CD46: variants seen among roughly 807,000 people sequenced by gnomAD.
The protein encoded by CD46 is membrane cofactor protein.
Under a neutral mutation model 53.3 loss-of-function variants are expected in CD46, and 30 were observed. The observed-to-expected ratio is 0.56, with a 90% CI of 0.42 to 0.76. The LOEUF (loss-of-function observed/expected upper bound fraction) is 0.76, where lower values mean the gene tolerates loss of function less well. CD46 is among the 30% of genes least tolerant of loss of function. The pLI is 0.00. For synonymous variants in CD46, 142 were observed against 152.0 expected (o/e 0.93, Z 0.48); for missense variants, 409 against 463.0 (o/e 0.88, Z 1.07).
intron 8 of CD46, among the ~76,000 whole-genome samples, chr1:207,774,243 TC>T (rs1307996527): frequency 6.6e-6 from 1 of 152,086 alleles, no homozygotes; most frequent in Non-Finnish European, 1.5e-5. Context: ...TGGTAGATCT[TC>T]CTCTGTCCCT....
intron 9 of CD46, among the ~76,000 whole-genome samples, chr1:207,784,184 G>A (rs2102684310): frequency 6.6e-6 from 1 of 152,202 alleles, no homozygotes; most frequent in South Asian, 2.1e-4. Context: ...AGAGAGGATG[G>A]GAAGGGGATT....
chr1:207,758,744 G>A lies in CD46; in HGVS notation c.390-895G>A, dbSNP rs151315459. On this transcript the variant is annotated intron_variant, in intron 3 of 12. Transcript: ENST00000367042. ...CTGTGACTATGTAAGGCAACTGACA[G>A]TTTTTAAAATTTGGTCAAGTAGAAA... Among the ~76,000 whole-genome samples the A allele has an allele frequency of 3.1e-3, 467 of 152,294 alleles. 3 individuals carry two copies. The East Asian group carries it at 0.036, about 12-fold the overall frequency.
rs1660000284 is a variant in CD46, at chr1:207,793,568, A to T, written c.*91A>T. The T allele has an allele frequency of 1.2e-6, 2 of 1,613,684 alleles. No homozygotes were observed. Among genetic ancestry groups the T allele is most frequent in the Non-Finnish European group, 1.7e-6 (2 of 1,179,852 alleles). ...TGCCACTTACCAGACTAAATCAACC[A>T]CTCCAGCAGAGCAGAGAGGCTGAAT... On this transcript the variant is annotated 3_prime_UTR_variant, in exon 13 of 13. Transcript: ENST00000367042.
chr1:207,793,494 A>G, intron 12 of CD46, 25 bp from the exon 13 acceptor site: 1 of 1,564,978 alleles, frequency 6.4e-7, no homozygotes, highest in Non-Finnish European at 8.8e-7. Flanking sequence ...TATCTTTGAC[A>G]TGATCTTTAT....
rs41317955 is a variant in CD46, at chr1:207,781,040, C to T, written c.944-2252C>T. Among the ~76,000 whole-genome samples the T allele has an allele frequency of 3.3e-5, 5 of 150,956 alleles. No homozygotes were observed. In the South Asian group the frequency reaches 1.1e-3, roughly 32 times the overall value. On this transcript the variant is annotated intron_variant, in intron 8 of 12. Transcript: ENST00000367042. ...TTCATGAGGACAGAGCCATAATGAC[C>T]CAAACACCTCTTAAAGGCGCCACCC... is the stretch of plus-strand genomic sequence containing the variant.
chr1:207,752,399 C>A lies in CD46; in HGVS notation c.97+90C>A. On this transcript the variant is annotated intron_variant, in intron 1 of 12. Coordinates refer to ENST00000367042, the MANE Select transcript of CD46 (RefSeq NM_172351.3). The surrounding 1 kb of genome is among the most constrained non-coding windows in gnomAD (Gnocchi z 4.1). Reference sequence around the variant, plus strand: ...GTCGCGGGGCGGGGCTCACAGCAGGCCGTGCCTGTTTGGGGACAGGGTTCT... The same window carrying A: ...GTCGCGGGGCGGGGCTCACAGCAGGACGTGCCTGTTTGGGGACAGGGTTCT... 1 of 1,241,002 alleles carries A rather than the reference C, an allele frequency of 8.1e-7. No individual in the cohort carries two copies. The highest frequency in any genetic ancestry group is 1.2e-6 in the Non-Finnish European group (1 of 846,332). 76.9% of individuals were successfully genotyped at this position (1,241,002 alleles called of 1,614,324 possible).
intron 8 of CD46, among the ~76,000 whole-genome samples, chr1:207,778,949 T>C (rs1345912350): frequency 6.6e-6 from 1 of 152,208 alleles, no homozygotes; most frequent in Non-Finnish European, 1.5e-5. Flanking sequence ...TTGTGTCTTC[T>C]CTGATTTCTT....
intron 9 of CD46, among the ~76,000 whole-genome samples, chr1:207,783,887 T>C (rs982045058): frequency 6.6e-6 from 1 of 152,214 alleles, no homozygotes; most frequent in Non-Finnish European, 1.5e-5. Flanking sequence ...ACTTGATAAC[T>C]GTTTATGAGA....
chr1:207,753,745 A>G (rs751651083), intron 1 of CD46, among the ~76,000 whole-genome samples: 2 of 152,138 alleles, frequency 1.3e-5, no homozygotes, highest in Non-Finnish European at 2.9e-5. Context: ...GAATCAAAAG[A>G]CAGCTATTTT....
chr1:207,766,805 T>C (rs1486697084), intron 5 of CD46, among the ~76,000 whole-genome samples: 1 of 152,174 alleles, frequency 6.6e-6, no homozygotes, highest in Non-Finnish European at 1.5e-5. Context: ...AATATGGTTA[T>C]CTCTGTTAGT....
At chr1:207,783,482 A>G in intron 9 of CD46, 152 bp downstream of exon 9, 1 of 550,272 alleles carries the variant, frequency 1.8e-6, no homozygotes, top group East Asian at 3.0e-5. Flanking sequence ...AATATATAAA[A>G]CACAATTTTC....
At chr1:207,767,507 ATT>A (rs1447373009) in intron 6 of CD46, 13 of 1,022,756 alleles carry the variant, frequency 1.3e-5, no homozygotes, top group East Asian at 7.1e-5. Flanking sequence ...AAACATGGGC[ATT>A]TTTATCTAAG....
rs1658657272 is a variant in CD46 at position 207,780,755 on chromosome 1, T to C, written c.944-2537T>C. On this transcript the variant is annotated intron_variant, in intron 8 of 12. Transcript: ENST00000367042. Reference sequence around the variant, plus strand: ...TTGTTTTTTTAGTAATAGCCAAGTGTCTTAGTCTGTTTTGTATGTGATAAC... The same window carrying C: ...TTGTTTTTTTAGTAATAGCCAAGTGCCTTAGTCTGTTTTGTATGTGATAAC... 2.6e-5 allele frequency among the ~76,000 whole-genome samples: 4 copies of C among 152,266 alleles called. No individual in the cohort carries two copies. In the South Asian group the frequency reaches 8.3e-4, roughly 32 times the overall value.
intron 8 of CD46, among the ~76,000 whole-genome samples, chr1:207,774,246 T>C (rs1657850112): frequency 6.6e-6 from 1 of 152,146 alleles, no homozygotes. Context: ...TAGATCTTCC[T>C]CTGTCCCTTT....
intron 12 of CD46, 66 bp downstream of exon 12, chr1:207,790,411 G>A: frequency 1.3e-6 from 1 of 792,414 alleles, no homozygotes; most frequent in Non-Finnish European, 2.2e-6. Context: ...TGGATATATA[G>A]ATATCAATAA....
In CD46 at chr1:207,786,314, A is replaced by G. The variant is rs41317983; in HGVS notation, c.1082+632A>G. ...AAAGTTAAAATTGCTGAGAGGGGTTAGATCTATAAGGTACCTCAATTAACT... is the reference window on the plus strand; with the variant it reads ...AAAGTTAAAATTGCTGAGAGGGGTTGGATCTATAAGGTACCTCAATTAACT... On this transcript the variant is annotated intron_variant, in intron 11 of 12. Coordinates refer to ENST00000367042, the MANE Select transcript of CD46 (RefSeq NM_172351.3). Among the ~76,000 whole-genome samples, 6,454 of 152,276 alleles carry G rather than the reference A, an allele frequency of 0.042. 187 individuals are homozygous for G. The highest frequency in any genetic ancestry group is 0.067 in the Non-Finnish European group (4,582 of 67,970).
At chr1:207,764,962 C>G (rs144110812) in intron 5 of CD46, among the ~76,000 whole-genome samples, 293 of 152,246 alleles carry the variant, frequency 1.9e-3, no homozygotes, top group East Asian at 6.9e-3. Flanking sequence ...ATAGCATTGT[C>G]CTTATACGAA....
chr1:207,764,883 C>A (rs2488252), intron 5 of CD46, among the ~76,000 whole-genome samples: 1 of 152,018 alleles, frequency 6.6e-6, no homozygotes, highest in East Asian at 1.9e-4. Flanking sequence ...GAATAAATCA[C>A]AGCAATTCTA....
intron 8 of CD46, among the ~76,000 whole-genome samples, chr1:207,782,537 G>A (rs1434742851): frequency 1.3e-5 from 2 of 151,096 alleles, no homozygotes; most frequent in African/African-American, 4.9e-5. Context: ...TTAACATTGA[G>A]TATGATGTTA....
Sources: gnomAD v4.1 joint callset for allele counts (sites outside exome capture counted in the v4.1 genomes callset) on GRCh38, gnomAD v4.1.1 for gene constraint, Gnocchi (gnomAD v3.1) non-coding constraint, MANE v1.5 for transcripts, NCBI Gene and HGNC (gene_info 2026-07-23, HGNC 2026-07-21) for gene names.